The following PTPRD variants were observed in gnomAD, a reference collection of about 807,000 sequenced individuals.
PTPRD encodes the protein protein tyrosine phosphatase receptor type D.
PTPRD carries 34 observed loss-of-function variants against 214.5 expected under a neutral mutation model. The observed-to-expected ratio is 0.16, with a 90% CI of 0.12 to 0.21. The LOEUF is 0.21. PTPRD is among the 10% of genes least tolerant of loss of function. The pLI is 1.00. For missense variants in PTPRD, 2,545 were observed against 2,398.7 expected (o/e 1.06, Z -1.27); for synonymous variants, 1,128 against 845.7 (o/e 1.33, Z -5.79).
intron 3 of PTPRD, among the ~76,000 whole-genome samples, chr9:10,178,120 TC>T (rs2099260210): frequency 6.6e-6 from 1 of 151,958 alleles, no homozygotes; most frequent in Non-Finnish European, 1.5e-5. Context: ...GGACTGGTTG[TC>T]CACCAGAATG....
intron 8 of PTPRD, among the ~76,000 whole-genome samples, chr9:9,470,422 T>C (rs115808453): frequency 0.021 from 3,173 of 152,246 alleles, 72 homozygotes; most frequent in African/African-American, 0.061. Context: ...AAAGAATAAA[T>C]AATATTGTTA....
intron 14 of PTPRD, among the ~76,000 whole-genome samples, chr9:8,536,473 A>G (rs996704600): frequency 6.6e-6 from 1 of 151,930 alleles, no homozygotes; most frequent in Non-Finnish European, 1.5e-5. Flanking sequence ...GTGTATATAC[A>G]TATGTTATAG....
In PTPRD at chr9:9,401,906, G is replaced by T. The variant is rs111627793; in HGVS notation, c.-236-4424C>A. Among the ~76,000 whole-genome samples the T allele has an allele frequency of 5.8e-3, 889 of 152,050 alleles. 7 individuals carry two copies. Among genetic ancestry groups the T allele is most frequent in the African/African-American group, 0.02 (810 of 41,502 alleles). On this transcript the variant is annotated intron_variant, in intron 8 of 45. Coordinates refer to ENST00000381196, the MANE Select transcript of PTPRD (RefSeq NM_002839.4). ...GTTTGCTTCTCCTTCCGCCATTATT[G>T]TAAGTTTCCTGAGGCCTCCCAAGCC... is the stretch of plus-strand genomic sequence containing the variant.
chr9:9,066,424 T>C (rs2099734464), intron 10 of PTPRD, among the ~76,000 whole-genome samples: 1 of 152,244 alleles, frequency 6.6e-6, no homozygotes, highest in Non-Finnish European at 1.5e-5. Context: ...GGCCATCTTT[T>C]AATTAAATTT....
chr9:9,885,361 T>A (rs2070449807), intron 5 of PTPRD, among the ~76,000 whole-genome samples: 1 of 151,992 alleles, frequency 6.6e-6, no homozygotes, highest in East Asian at 1.9e-4. Flanking sequence ...AGATGATGCC[T>A]CATAGAATCT....
chr9:10,019,532 G>C (rs1410033124), intron 4 of PTPRD, among the ~76,000 whole-genome samples: 1 of 152,086 alleles, frequency 6.6e-6, no homozygotes, highest in Non-Finnish European at 1.5e-5. Context: ...CAAGCCAAAA[G>C]TCCAACAATG....
intron 6 of PTPRD, among the ~76,000 whole-genome samples, chr9:9,755,074 T>A (rs1374940437): frequency 6.6e-6 from 1 of 151,900 alleles, no homozygotes; most frequent in African/African-American, 2.4e-5. Context: ...ATAAGAAATT[T>A]TGGGGAGATA....
chr9:9,218,005 ACT>A (rs1306410872), intron 9 of PTPRD, among the ~76,000 whole-genome samples: 2 of 152,000 alleles, frequency 1.3e-5, no homozygotes, highest in African/African-American at 4.8e-5. Context: ...GTTCATGTTC[ACT>A]CTGTTTGTTT....
intron 5 of PTPRD, among the ~76,000 whole-genome samples, chr9:9,775,728 G>C (rs1043188965): frequency 6.6e-6 from 1 of 152,094 alleles, no homozygotes; most frequent in Non-Finnish European, 1.5e-5. Context: ...TGGATCACGA[G>C]GTCAGGAGAC....
chr9:8,499,384 G>C (rs1277184005), intron 25 of PTPRD, among the ~76,000 whole-genome samples: 1 of 152,052 alleles, frequency 6.6e-6, no homozygotes, highest in Non-Finnish European at 1.5e-5. Context: ...ACTCAAATAT[G>C]GTTGTAAAGG....
chr9:8,706,847 A>G (rs1049948987), intron 12 of PTPRD, among the ~76,000 whole-genome samples: 3 of 152,204 alleles, frequency 2.0e-5, no homozygotes, highest in Non-Finnish European at 4.4e-5. Flanking sequence ...TCACTGCAGC[A>G]TGCCTCTGAA....
At chr9:9,801,962 G>T (rs572357383) in intron 5 of PTPRD, among the ~76,000 whole-genome samples, 1 of 152,166 alleles carries the variant, frequency 6.6e-6, no homozygotes, top group Admixed American at 6.5e-5. Flanking sequence ...AATGGAGTCA[G>T]CTTGGATAAT....
At chr9:9,340,327 C>A (rs1354190072) in intron 9 of PTPRD, among the ~76,000 whole-genome samples, 1 of 152,086 alleles carries the variant, frequency 6.6e-6, no homozygotes, top group Non-Finnish European at 1.5e-5. Flanking sequence ...ATGAAGTAAC[C>A]AATTTCTTTT....
At chr9:10,240,743 G>A (rs969972402) in intron 3 of PTPRD, among the ~76,000 whole-genome samples, 3 of 151,808 alleles carry the variant, frequency 2.0e-5, no homozygotes, top group African/African-American at 7.2e-5. Flanking sequence ...CAGCTAAAAT[G>A]ATAAATCTGC....
chr9:9,459,931 C>G (rs545318602), intron 8 of PTPRD, among the ~76,000 whole-genome samples: 1 of 152,032 alleles, frequency 6.6e-6, no homozygotes, highest in Non-Finnish European at 1.5e-5. Flanking sequence ...ATCACATTAC[C>G]TGACTTCAAA....
intron 10 of PTPRD, among the ~76,000 whole-genome samples, chr9:9,149,959 C>T (rs1592463108): frequency 6.6e-6 from 1 of 152,092 alleles, no homozygotes; most frequent in Non-Finnish European, 1.5e-5. Flanking sequence ...AAACTAAGTA[C>T]AGGTAGTCCA....
At chr9:8,754,866 C>A in intron 11 of PTPRD, among the ~76,000 whole-genome samples, 1 of 152,148 alleles carries the variant, frequency 6.6e-6, no homozygotes, top group Non-Finnish European at 1.5e-5. Context: ...TATTCTCTAT[C>A]CTTTTGGGGA....
intron 4 of PTPRD, among the ~76,000 whole-genome samples, chr9:10,007,535 G>A (rs903431389): frequency 6.6e-6 from 1 of 151,986 alleles, no homozygotes; most frequent in Admixed American, 6.6e-5. Flanking sequence ...GCACTAAATT[G>A]CAAAGCATTA....
At chr9:9,607,048 C>A (rs1489337681) in intron 7 of PTPRD, among the ~76,000 whole-genome samples, 1 of 133,666 alleles carries the variant, frequency 7.5e-6, no homozygotes, top group African/African-American at 2.8e-5. Flanking sequence ...CAGAGGAATT[C>A]ACCCTTAAAT....
Sources: gnomAD v4.1 joint callset for allele counts (sites outside exome capture counted in the v4.1 genomes callset) on GRCh38, gnomAD v4.1.1 for gene constraint, MANE v1.5 for transcripts, NCBI Gene and HGNC (gene_info 2026-07-23, HGNC 2026-07-21) for gene names.